The following PLCE1 variants were observed in gnomAD, a reference collection of about 807,000 sequenced individuals.
PLCE1 encodes phospholipase C epsilon 1.
A neutral mutation model predicts 242.8 loss-of-function variants in PLCE1; 119 were observed. That is an observed-to-expected ratio of 0.49 (90% confidence interval 0.42 to 0.57). The LOEUF is 0.57. PLCE1 is among the 20% of genes least tolerant of loss of function. PLCE1 has a pLI of 0.00. For missense variants in PLCE1, 2,441 were observed against 2,788.8 expected (o/e 0.88, Z 2.81); for synonymous variants, 945 against 1,017.4 (o/e 0.93, Z 1.35).
intron 3 of PLCE1, among the ~76,000 whole-genome samples, chr10:94,148,112 AC>A (rs2047169325): frequency 6.6e-6 from 1 of 152,194 alleles, no homozygotes; most frequent in Admixed American, 6.5e-5. Context: ...TCATCATCTT[AC>A]CTGTAAAATA....
At chr10:94,075,614 C>T (rs1378400135) in intron 2 of PLCE1, among the ~76,000 whole-genome samples, 1 of 152,120 alleles carries the variant, frequency 6.6e-6, no homozygotes, top group East Asian at 1.9e-4. Context: ...GCTGAGGCTA[C>T]CTTTGTTTGA....
intron 3 of PLCE1, among the ~76,000 whole-genome samples, chr10:94,156,555 G>T (rs1382390137): frequency 6.6e-6 from 1 of 152,156 alleles, no homozygotes; most frequent in African/African-American, 2.4e-5. Flanking sequence ...TACCCTCTCT[G>T]GGTGACCACC....
chr10:94,090,100 T>G (rs2045003629), intron 2 of PLCE1, among the ~76,000 whole-genome samples: 1 of 152,106 alleles, frequency 6.6e-6, no homozygotes, highest in Non-Finnish European at 1.5e-5. Flanking sequence ...TAAGATTAGC[T>G]GAAGAAGAGG....
chr10:94,071,495 G>GTTTTTTTTTTTTTTTGTTGTTTTT (rs2044353719), intron 2 of PLCE1, among the ~76,000 whole-genome samples: 11 of 83,314 alleles, frequency 1.3e-4, no homozygotes, highest in Admixed American at 3.1e-4. Context: ...TTTGGTTTTC[G>GTTTTTTTTTTTTTTTGTTGTTTTT]TTTTTTTTTT....
chr10:94,262,564 G>A lies in PLCE1; in HGVS notation c.3885G>A (p.Gln1295=). ...GTAAACAGCAGCTATCGGACAACCAGAGGCAGATATCTGATGCCATTGCTG... is the reference window on the plus strand; with the variant it reads ...GTAAACAGCAGCTATCGGACAACCAAAGGCAGATATCTGATGCCATTGCTG... ...IKSKQQLSDN[Q]RQISDAIAAA... Residue 1295 remains glutamine, a synonymous_variant, in exon 14 of 33, where the codon CAG becomes CAA. Coordinates refer to ENST00000371380, the MANE Select transcript of PLCE1 (RefSeq NM_016341.4). 1.2e-6 allele frequency: 2 copies of A among 1,614,088 alleles called. No homozygotes were observed. Among genetic ancestry groups the A allele is most frequent in the South Asian group, 2.2e-5 (2 of 91,086 alleles).
In PLCE1 at chr10:94,259,377, G is replaced by A. The variant is rs141008929; in HGVS notation, c.3814+227G>A. On this transcript the variant is annotated intron_variant, in intron 13 of 32. Coordinates refer to ENST00000371380, the MANE Select transcript of PLCE1 (RefSeq NM_016341.4). ...CAGCTCACTGCTACCTCCACCTCCC[G>A]GGTTCAATTGATTCTCCTGCCTCAG... Among the ~76,000 whole-genome samples the A allele has an allele frequency of 9.3e-3, 1,411 of 151,760 alleles. 30 individuals carry two copies. Among genetic ancestry groups the A allele is most frequent in the African/African-American group, 0.033 (1,349 of 41,402 alleles).
intron 2 of PLCE1, among the ~76,000 whole-genome samples, chr10:94,093,644 C>T (rs1284788867): frequency 1.3e-5 from 2 of 152,160 alleles, no homozygotes; most frequent in African/African-American, 2.4e-5. Context: ...GTGGTCTGGC[C>T]CTGCTCCCAT....
chr10:94,294,961 G>T lies in PLCE1; in HGVS notation c.5167+1322G>T, dbSNP rs181199835. 3.6e-3 allele frequency among the ~76,000 whole-genome samples: 532 copies of T among 145,880 alleles called. 2 individuals carry two copies. The highest frequency in any genetic ancestry group is 0.012 in the African/African-American group (484 of 39,050). On this transcript the variant is annotated intron_variant, in intron 23 of 32. Coordinates refer to ENST00000371380, the MANE Select transcript of PLCE1 (RefSeq NM_016341.4). ...GACGGAGTCTTGCTCTGTCACCCAG[G>T]CTGGAGTGCGGTGGCAAGATCTTGT...
chr10:94,152,724 C>T (rs191737953), intron 3 of PLCE1, among the ~76,000 whole-genome samples: 16 of 152,286 alleles, frequency 1.1e-4, no homozygotes, highest in African/African-American at 3.4e-4. Context: ...GCTTAGATAG[C>T]TAAGCAGCAC....
chr10:94,162,329 T>C (rs560820170), intron 3 of PLCE1, among the ~76,000 whole-genome samples: 1 of 152,358 alleles, frequency 6.6e-6, no homozygotes, highest in South Asian at 2.1e-4. Context: ...TGCCTCAATT[T>C]CAGAGCCTGT....
chr10:94,093,195 C>T (rs1219030911), intron 2 of PLCE1, among the ~76,000 whole-genome samples: 1 of 152,188 alleles, frequency 6.6e-6, no homozygotes, highest in African/African-American at 2.4e-5. Flanking sequence ...AATTGCCCAG[C>T]TCCATCTCCC....
intron 1 of PLCE1, among the ~76,000 whole-genome samples, chr10:94,026,674 A>G (rs2061457977): frequency 6.6e-6 from 1 of 152,186 alleles, no homozygotes. Flanking sequence ...ATGTATATAT[A>G]TATTTCATCT....
Position 94,227,470 on chromosome 10 carries a change from A to C in PLCE1, c.1955+19A>C. 1.2e-6 allele frequency: 2 copies of C among 1,610,826 alleles called. No individual in the cohort carries two copies. Among genetic ancestry groups the C allele is most frequent in the Non-Finnish European group, 1.7e-6 (2 of 1,176,972 alleles). The stretch of plus-strand genomic sequence containing the variant: ...GCCTCAGGTATAGTCAGTGGGGAAT[A>C]TGGTTATCTTGGCACAATCGCTTCT... On this transcript the variant is annotated intron_variant, in intron 5 of 32. Coordinates refer to ENST00000371380, the MANE Select transcript of PLCE1 (RefSeq NM_016341.4).
chr10:94,032,889 T>C (rs2061588578), intron 2 of PLCE1, among the ~76,000 whole-genome samples: 1 of 152,110 alleles, frequency 6.6e-6, no homozygotes, highest in African/African-American at 2.4e-5. Flanking sequence ...GTGATAACTA[T>C]CATAATTTCA....
chr10:94,318,567 T>C (rs900129690), intron 29 of PLCE1, among the ~76,000 whole-genome samples: 1 of 152,112 alleles, frequency 6.6e-6, no homozygotes, highest in African/African-American at 2.4e-5. Context: ...TCCAGGTCAG[T>C]GTTCTTTCCA....
intron 5 of PLCE1, among the ~76,000 whole-genome samples, chr10:94,233,110 C>T (rs2137276536): frequency 6.6e-6 from 1 of 152,368 alleles, no homozygotes; most frequent in African/African-American, 2.4e-5. Context: ...GTGGGCAAAG[C>T]AGTTCAGGTA....
chr10:94,281,071 A>G (rs1293339183), intron 20 of PLCE1, among the ~76,000 whole-genome samples: 1 of 152,238 alleles, frequency 6.6e-6, no homozygotes, highest in African/African-American at 2.4e-5. Flanking sequence ...GGAAAAAATT[A>G]AAAGGAGTCA....
chr10:94,121,336 A>T (rs1305799146), intron 2 of PLCE1, among the ~76,000 whole-genome samples: 6 of 152,134 alleles, frequency 3.9e-5, no homozygotes, highest in Non-Finnish European at 7.4e-5. Flanking sequence ...CAACAAGGGG[A>T]GCTGAGTGGA....
chr10:94,179,344 C>G (rs1480927104), intron 4 of PLCE1, among the ~76,000 whole-genome samples: 1 of 152,026 alleles, frequency 6.6e-6, no homozygotes, highest in African/African-American at 2.4e-5. Flanking sequence ...GCTTTCCTCA[C>G]CCAGAGTAAC....
Sources: allele counts gnomAD v4.1 joint callset (sites outside exome capture counted in the v4.1 genomes callset), GRCh38; gene constraint gnomAD v4.1.1; transcripts MANE v1.5; gene names NCBI Gene and HGNC (gene_info 2026-07-23, HGNC 2026-07-21).